Variants in SLC12A5 observed in about 807,000 individuals in gnomAD.
The protein encoded by SLC12A5 is solute carrier family 12 member 5, also known as K-Cl cotransporter 2.
Under a neutral mutation model 124.0 loss-of-function variants are expected in SLC12A5, and 18 were observed. That is an observed-to-expected ratio of 0.15 (90% CI 0.10 to 0.22). SLC12A5 has a LOEUF of 0.22. Among genes scored for constraint, SLC12A5 ranks in the 10% least tolerant of loss-of-function variants. The probability of loss-of-function intolerance (pLI) is 1.00; values close to 1 mark genes in which losing one functional copy is unlikely to be tolerated. For missense variants in SLC12A5, 867 were observed against 1,478.7 expected (o/e 0.59, Z 6.78); for synonymous variants, 589 against 568.0 (o/e 1.04, Z -0.53).
intron 1 of SLC12A5, chr20:46,021,956 C>A: frequency 7.1e-7 from 1 of 1,414,412 alleles, no homozygotes; most frequent in Non-Finnish European, 9.2e-7. Context: ...GGCGGACCGT[C>A]TGTTGAAGGG....
chr20:46,042,840 G>A (rs571128171), intron 8 of SLC12A5, among the ~76,000 whole-genome samples: 1 of 152,100 alleles, frequency 6.6e-6, no homozygotes, highest in Non-Finnish European at 1.5e-5. Context: ...CTGGTTTGGG[G>A]TGGGTGGAGG....
upstream of SLC12A5, among the ~76,000 whole-genome samples, chr20:46,024,930 G>A (rs538398514): frequency 6.2e-4 from 95 of 152,310 alleles, no homozygotes; most frequent in African/African-American, 2.2e-3. Flanking sequence ...GCCCTGAAAA[G>A]AGCCCTGGGC....
chr20:46,032,952 G>A (rs181678973), intron 1 of SLC12A5, among the ~76,000 whole-genome samples: 171 of 152,214 alleles, frequency 1.1e-3, no homozygotes, highest in Admixed American at 1.0e-3. Flanking sequence ...CTGGGAGGTG[G>A]GTCTCTTATT....
At chr20:46,021,746 G>T, upstream of SLC12A5, 1 of 1,533,854 alleles carries the variant, frequency 6.5e-7, no homozygotes, top group Non-Finnish European at 8.7e-7. Flanking sequence ...TGCCGCGGCC[G>T]CCTGGCTCCT....
chr20:46,033,985 C>CA (rs1419970969), intron 1 of SLC12A5, among the ~76,000 whole-genome samples: 1 of 152,086 alleles, frequency 6.6e-6, no homozygotes, highest in African/African-American at 2.4e-5. Flanking sequence ...AATGACTCCC[C>CA]ATTGCCCTCT....
At chr20:46,041,668 A>T (rs961161782) in intron 8 of SLC12A5, 128 bp downstream of exon 8, 17 of 919,220 alleles carry the variant, frequency 1.8e-5, no homozygotes, top group Non-Finnish European at 2.6e-5. Context: ...ACCTACTCTG[A>T]GTTACATTCT....
At chr20:46,040,712 C>T in intron 7 of SLC12A5, 98 bp downstream of exon 7, 2 of 1,543,212 alleles carry the variant, frequency 1.3e-6, no homozygotes, top group Non-Finnish European at 1.8e-6. Flanking sequence ...CCCTCAGAAT[C>T]TCAGAGTGGT....
rs906387280 is a variant in SLC12A5, at chr20:46,057,431, G to C, written c.3260-83G>C. 56 of 1,600,974 alleles carry C rather than the reference G, an allele frequency of 3.5e-5. 1 individual carries two copies. In the South Asian group the frequency reaches 5.5e-4, roughly 16 times the overall value. On this transcript the variant is annotated intron_variant, in intron 25 of 25. Coordinates refer to ENST00000243964, the MANE Select transcript of SLC12A5 (RefSeq NM_020708.5). The surrounding 1 kb of genome is among the most constrained non-coding windows in gnomAD (Gnocchi z 7.1). ...GCACCTCGGACAGGGACACGGGCGC[G>C]AGAGGTCCCCTGGCAGCCGAGCGCG...
chr20:46,031,053 C>A lies in SLC12A5; in HGVS notation c.52+1657C>A, dbSNP rs1860977049. ...ATCCGGGATCCCCTTCAGATGCCTC[C>A]ACTCTGAGAGGGGGACTCAGATGGA... On this transcript the variant is annotated intron_variant, in intron 1 of 25. Transcript: ENST00000243964. 3.3e-5 allele frequency among the ~76,000 whole-genome samples: 5 copies of A among 152,296 alleles called. No homozygotes were observed. The South Asian group carries it at 1.0e-3, about 32-fold the overall frequency.
At chr20:46,036,546 C>A in intron 4 of SLC12A5, 195 bp from the exon 5 acceptor site, 1 of 503,426 alleles carries the variant, frequency 2.0e-6, no homozygotes, top group South Asian at 2.3e-5. Flanking sequence ...GGGCTCCTTC[C>A]GTTCGCATGG....
chr20:46,026,656 A>C (rs2084402315), upstream of SLC12A5, among the ~76,000 whole-genome samples: 1 of 152,256 alleles, frequency 6.6e-6, no homozygotes, highest in Non-Finnish European at 1.5e-5. Context: ...TTTTCAGAGC[A>C]GGAAGAAGTG....
intron 18 of SLC12A5, among the ~76,000 whole-genome samples, chr20:46,052,591 C>G (rs2084655876): frequency 6.6e-6 from 1 of 152,232 alleles, no homozygotes; most frequent in African/African-American, 2.4e-5. Flanking sequence ...AGCCCGGAGG[C>G]TACACTGTTA....
intron 1 of SLC12A5, among the ~76,000 whole-genome samples, chr20:46,031,445 C>T (rs987584611): frequency 4.6e-5 from 7 of 152,132 alleles, no homozygotes; most frequent in Non-Finnish European, 4.4e-5. Flanking sequence ...ACCTTCTGGG[C>T]TTGAGAGAGG....
chr20:46,049,869 TC>T, intron 17 of SLC12A5, 79 bp downstream of exon 17: 1 of 1,430,010 alleles, frequency 7.0e-7, no homozygotes. Context: ...GTACTTTCCT[TC>T]CTCATCACCT....
chr20:46,029,565 G>T (rs1485598784), intron 1 of SLC12A5, among the ~76,000 whole-genome samples, 169 bp downstream of exon 1: 1 of 152,154 alleles, frequency 6.6e-6, no homozygotes, highest in Non-Finnish European at 1.5e-5. Context: ...TGCTCCGGGC[G>T]CTGTCCAAGG....
chr20:46,034,910 T>C, intron 1 of SLC12A5, 38 bp from the exon 2 acceptor site: 1 of 1,599,416 alleles, frequency 6.3e-7, no homozygotes, highest in Non-Finnish European at 8.6e-7. Context: ...GGACAACAAC[T>C]GATTGGTTCC....
Position 46,053,678 on chromosome 20 carries a change from G to A in SLC12A5, c.2648G>A (p.Arg883His). ...KDLTTFLYHL[R>H]ITAEVEVVEM... ...CTGACCACATTTCTGTATCATTTAC[G>A]CATCACTGCGGAGGTCGAGGTGGTG... The change falls in exon 20 of 26, where the codon CGC becomes CAC. Residue 883 changes from arginine (R) to histidine (H), a missense_variant. Coordinates refer to ENST00000243964, the MANE Select transcript of SLC12A5 (RefSeq NM_020708.5). This position sits in a 1 kb window ranked among gnomAD's most constrained non-coding sequence, Gnocchi z 4.7. 1 of 1,610,196 alleles carries A rather than the reference G, an allele frequency of 6.2e-7. No individual in the cohort carries two copies.
At position 46,043,749 on chromosome 20, in the gene SLC12A5, G is replaced by A. The variant is rs748896211; in HGVS notation, c.1336+18G>A. ...TGCTGTCTGTATCCTGCACAGCTGT[G>A]CTGGGACCACCCTCGGGGGAGGGCA... On this transcript the variant is annotated intron_variant, in intron 10 of 25. Coordinates refer to ENST00000243964, the MANE Select transcript of SLC12A5 (RefSeq NM_020708.5). 3 of 1,614,120 alleles carry A rather than the reference G, an allele frequency of 1.9e-6. No individual in the cohort carries two copies. The Admixed American group carries it at 5.0e-5, about 27-fold the overall frequency.
intron 2 of SLC12A5, chr20:46,023,324 A>C (rs2084371735): frequency 2.5e-6 from 1 of 398,598 alleles, no homozygotes; most frequent in East Asian, 3.6e-5. Context: ...ATTTGAAAGT[A>C]AGAAATTCTG....
Sources: allele counts gnomAD v4.1 joint callset (sites outside exome capture counted in the v4.1 genomes callset), GRCh38; gene constraint gnomAD v4.1.1; non-coding constraint Gnocchi (gnomAD v3.1); transcripts MANE v1.5; gene names NCBI Gene and HGNC (gene_info 2026-07-23, HGNC 2026-07-21).